The following ABCC4 variants were observed in gnomAD, a reference collection of about 807,000 sequenced individuals.
The protein encoded by ABCC4 is ATP-binding cassette sub-family C member 4.
ABCC4 carries 102 observed loss-of-function variants against 168.5 expected under a neutral mutation model. The observed-to-expected ratio is 0.61, with a 90% CI of 0.52 to 0.71. The LOEUF is 0.71. Among genes scored for constraint, ABCC4 ranks in the 30% least tolerant of loss-of-function variants. The probability of loss-of-function intolerance (pLI) is 0.00; values close to 1 mark genes in which losing one functional copy is unlikely to be tolerated. For synonymous variants in ABCC4, 617 were observed against 590.7 expected (o/e 1.04, Z -0.65); for missense variants, 1,402 against 1,605.8 (o/e 0.87, Z 2.17).
chr13:95,226,726 A>G (rs1394495832), intron 4 of ABCC4, among the ~76,000 whole-genome samples: 1 of 152,112 alleles, frequency 6.6e-6, no homozygotes, highest in Non-Finnish European at 1.5e-5. Flanking sequence ...GTGCCTGGAC[A>G]CCTGACTCAA....
At chr13:95,077,844 T>C (rs192752492) in intron 21 of ABCC4, among the ~76,000 whole-genome samples, 1 of 152,010 alleles carries the variant, frequency 6.6e-6, no homozygotes, top group Non-Finnish European at 1.5e-5. Flanking sequence ...CACTGCACAT[T>C]TGGGGGTGCT....
At chr13:95,082,911 T>C (rs1360536871) in intron 21 of ABCC4, among the ~76,000 whole-genome samples, 3 of 152,156 alleles carry the variant, frequency 2.0e-5, no homozygotes, top group Non-Finnish European at 4.4e-5. Context: ...TTACTCCCCA[T>C]ATGGCCTTCA....
intron 8 of ABCC4, among the ~76,000 whole-genome samples, chr13:95,196,688 GGAAGGAAGGAAGGAAGGAA>G (rs2038457745): frequency 1.5e-5 from 1 of 65,890 alleles, no homozygotes; most frequent in Non-Finnish European, 3.4e-5. Flanking sequence ...AAGGAAGGAA[GGAAGGAAGGAAGGAAGGAA>G]GGAAGGAAGG....
chr13:95,248,381 T>C (rs1411111197), intron 1 of ABCC4, among the ~76,000 whole-genome samples: 1 of 152,234 alleles, frequency 6.6e-6, no homozygotes, highest in Non-Finnish European at 1.5e-5. Flanking sequence ...AGTGAAGGTT[T>C]GATGGGACAT....
chr13:95,225,981 A>G (rs2039453448), intron 4 of ABCC4, among the ~76,000 whole-genome samples: 1 of 148,920 alleles, frequency 6.7e-6, no homozygotes, highest in African/African-American at 2.4e-5. Context: ...AAAAAAAAAA[A>G]AAAGAAAAAG....
intron 8 of ABCC4, among the ~76,000 whole-genome samples, chr13:95,203,455 G>A (rs1310130162): frequency 6.6e-6 from 1 of 151,158 alleles, no homozygotes; most frequent in Non-Finnish European, 1.5e-5. Flanking sequence ...TGAGCCTCCT[G>A]AGGAGCTGGG....
intron 25 of ABCC4, among the ~76,000 whole-genome samples, chr13:95,067,532 T>C (rs2033590004): frequency 6.6e-6 from 1 of 152,066 alleles, no homozygotes; most frequent in Non-Finnish European, 1.5e-5. Flanking sequence ...GGGGTGGTTC[T>C]TGTCCCAGTG....
At chr13:95,265,223 G>A (rs887047970) in intron 1 of ABCC4, among the ~76,000 whole-genome samples, 3 of 152,118 alleles carry the variant, frequency 2.0e-5, no homozygotes. Context: ...AACAGAGAAA[G>A]AGACATTGAC....
At chr13:95,177,957 CAA>C (rs1274180022) in intron 12 of ABCC4, 38 bp downstream of exon 12, 21 of 1,603,744 alleles carry the variant, frequency 1.3e-5, no homozygotes, top group Non-Finnish European at 1.8e-5. Flanking sequence ...TGGAAGGTAT[CAA>C]AAGACACCGG....
In ABCC4 at chr13:95,247,719, G is replaced by A. The variant is rs371717293; in HGVS notation, c.109C>T (p.Arg37Trp). The change falls in exon 2 of 31, where the codon CGG becomes TGG. Residue 37 changes from arginine to tryptophan, a missense_variant. By Grantham distance (101) the Arg-to-Trp change is moderately radical. This residue lies in a region of ABCC4 where 317 missense variants were observed against 345.5 expected (regional missense o/e 0.92). Coordinates refer to ENST00000645237, the MANE Select transcript of ABCC4 (RefSeq NM_005845.5). ...TACATATCATCTTCCTCTAATCTCC[G>A]TTTATGGCCAATTTTAAACAAGGGA... The part of the protein sequence containing the change: ...LNPLFKIGHK[R>W]RLEEDDMYSV... The A allele has an allele frequency of 1.3e-5, 21 of 1,613,822 alleles. No homozygotes were observed. The highest frequency in any genetic ancestry group is 2.2e-5 in the East Asian group (1 of 44,880).
At chr13:95,140,198 C>A (rs780309938) in intron 19 of ABCC4, among the ~76,000 whole-genome samples, 2 of 152,208 alleles carry the variant, frequency 1.3e-5, no homozygotes, top group Non-Finnish European at 2.9e-5. Flanking sequence ...AACTGGTACA[C>A]CTACGGGGCT....
rs546236744 is a variant in ABCC4, at chr13:95,141,642, A to G, written c.2455+19547T>C. Among the ~76,000 whole-genome samples the G allele has an allele frequency of 1.6e-4, 24 of 152,354 alleles. No individual in the cohort carries two copies. The East Asian group carries it at 4.2e-3, about 27-fold the overall frequency. On this transcript the variant is annotated intron_variant, in intron 19 of 30. Transcript: ENST00000645237. ...GAACCTTAGAAGTGAGACTGAGGGG[A>G]AATGGTAAAAATACCATAGTTATTC...
At chr13:95,167,320 T>G (rs1012006531) in intron 14 of ABCC4, among the ~76,000 whole-genome samples, 1 of 152,176 alleles carries the variant, frequency 6.6e-6, no homozygotes, top group Non-Finnish European at 1.5e-5. Flanking sequence ...TAGAAAATAA[T>G]GTACAAATAT....
intron 1 of ABCC4, among the ~76,000 whole-genome samples, chr13:95,294,196 T>A (rs1416359287): frequency 6.6e-6 from 1 of 151,426 alleles, no homozygotes; most frequent in East Asian, 2.0e-4. Context: ...ACAAAATAAA[T>A]AAATAAATAA....
chr13:95,234,278 A>G (rs2039701039), intron 4 of ABCC4, among the ~76,000 whole-genome samples: 1 of 152,234 alleles, frequency 6.6e-6, no homozygotes, highest in Non-Finnish European at 1.5e-5. Flanking sequence ...TTTTAATTAG[A>G]TTTCATTATA....
intron 19 of ABCC4, among the ~76,000 whole-genome samples, chr13:95,154,816 G>A (rs1412559077): frequency 6.6e-6 from 1 of 152,150 alleles, no homozygotes; most frequent in Non-Finnish European, 1.5e-5. Context: ...TTATTGTAGA[G>A]GTAATTTTGA....
chr13:95,051,316 A>G (rs1179441670), intron 27 of ABCC4, among the ~76,000 whole-genome samples: 2 of 152,212 alleles, frequency 1.3e-5, no homozygotes, highest in Non-Finnish European at 2.9e-5. Context: ...CTATAAATTA[A>G]AGATTTCAGA....
intron 20 of ABCC4, among the ~76,000 whole-genome samples, chr13:95,100,831 CTT>C (rs1045623728): frequency 6.6e-6 from 1 of 152,152 alleles, no homozygotes; most frequent in African/African-American, 2.4e-5. Flanking sequence ...CTAACGATCT[CTT>C]TTGTCCAATG....
At chr13:95,174,719 G>A (rs1003982345) in intron 13 of ABCC4, among the ~76,000 whole-genome samples, 6 of 152,180 alleles carry the variant, frequency 3.9e-5, no homozygotes, top group Non-Finnish European at 5.9e-5. Context: ...TTGTTTGAGT[G>A]ATAAAGAACT....
Sources: gnomAD v4.1 joint callset for allele counts (sites outside exome capture counted in the v4.1 genomes callset) on GRCh38, gnomAD v4.1.1 for gene constraint, gnomAD v4.1.1 regional missense constraint, MANE v1.5 for transcripts, NCBI Gene and HGNC (gene_info 2026-07-23, HGNC 2026-07-21) for gene names.